Variants in BCAS3 observed in about 807,000 individuals in gnomAD.
BCAS3 encodes BCAS4/BCAS3 fusion.
In BCAS3, 53 loss-of-function variants were observed where a neutral mutation model predicts 116.1. The ratio of observed to expected loss-of-function variants is 0.46; its 90% CI spans 0.37 to 0.57. The LOEUF is 0.57. Among genes scored for constraint, BCAS3 ranks in the 20% least tolerant of loss-of-function variants. The pLI, the probability that BCAS3 is intolerant of heterozygous loss-of-function variation, is 0.00. For synonymous variants in BCAS3, 391 were observed against 408.2 expected (o/e 0.96, Z 0.51); for missense variants, 917 against 1,165.4 (o/e 0.79, Z 3.10).
intron 22 of BCAS3, among the ~76,000 whole-genome samples, chr17:61,283,243 T>G (rs2051396743): frequency 6.6e-6 from 1 of 152,178 alleles, no homozygotes; most frequent in Non-Finnish European, 1.5e-5. Context: ...TCAACTAGTC[T>G]TGGTTTGGAG....
intron 7 of BCAS3, among the ~76,000 whole-genome samples, chr17:60,858,706 AG>A (rs2053894968): frequency 6.6e-6 from 1 of 152,178 alleles, no homozygotes; most frequent in Non-Finnish European, 1.5e-5. Flanking sequence ...CGTCTCCAGC[AG>A]TAATGTGTGA....
chr17:61,290,430 C>A (rs1421396050), intron 22 of BCAS3, among the ~76,000 whole-genome samples: 3 of 152,110 alleles, frequency 2.0e-5, no homozygotes, highest in Non-Finnish European at 4.4e-5. Flanking sequence ...ATTCTCTCTG[C>A]TTATATATGT....
chr17:60,682,433 C>CT (rs2033306299), intron 2 of BCAS3, among the ~76,000 whole-genome samples: 1 of 151,996 alleles, frequency 6.6e-6, no homozygotes, highest in South Asian at 2.1e-4. Flanking sequence ...GGGCATATTG[C>CT]TTTTTTAATA....
chr17:60,859,572 A>ATTT (rs67129602), intron 7 of BCAS3, among the ~76,000 whole-genome samples: 1 of 144,410 alleles, frequency 6.9e-6, no homozygotes, highest in Non-Finnish European at 1.5e-5. Flanking sequence ...TATGTACCAC[A>ATTT]TTTTTTTTTT....
chr17:61,110,937 T>A (rs930587114), intron 22 of BCAS3, among the ~76,000 whole-genome samples: 2 of 152,144 alleles, frequency 1.3e-5, no homozygotes, highest in African/African-American at 4.8e-5. Flanking sequence ...CCCTGACCCC[T>A]CAGCAGCCTA....
rs758020100 is a variant in BCAS3 at position 61,040,850 on chromosome 17, G to A, written c.1987G>A (p.Ala663Thr). The A allele has an allele frequency of 1.2e-5, 20 of 1,613,910 alleles. No homozygotes were observed. Among genetic ancestry groups the A allele is most frequent in the Non-Finnish European group, 1.2e-5 (14 of 1,179,990 alleles). ...TAATGCAAACCACCCTCTGCTCCTCGCTGCAGATGCAGTACAGTATTATCA... is the reference window on the plus strand; with the variant it reads ...TAATGCAAACCACCCTCTGCTCCTCACTGCAGATGCAGTACAGTATTATCA... ...PFNANHPLLLAADAVQYYQFL... is the reference protein window; with the variant it reads ...PFNANHPLLLTADAVQYYQFL... The change falls in exon 19 of 24, where the codon GCT becomes ACT. Residue 663 changes from alanine to threonine, a missense_variant. Ala to Thr is a moderately conservative substitution (Grantham distance 58, BLOSUM62 0). Around this residue, in one of 3 missense-constraint regions of BCAS3, gnomAD observed 807 missense variants for 1,026.0 expected, o/e 0.79. Coordinates refer to ENST00000407086, the MANE Select transcript of BCAS3 (RefSeq NM_017679.5).
chr17:61,298,675 C>T (rs763546026), intron 22 of BCAS3, among the ~76,000 whole-genome samples: 2 of 152,156 alleles, frequency 1.3e-5, no homozygotes, highest in Admixed American at 6.5e-5. Flanking sequence ...CCAAAGGGGA[C>T]GTCCCACACC....
At position 61,026,077 on chromosome 17, in the gene BCAS3, G is replaced by A. The variant is rs1014456824; in HGVS notation, c.1638-8589G>A. ...CATTAAATCACTCAGTTTTCTTTAT[G>A]TGCAGATGTGCATGGCATATCTTAA... On this transcript the variant is annotated intron_variant, in intron 16 of 23. Coordinates refer to ENST00000407086, the MANE Select transcript of BCAS3 (RefSeq NM_017679.5). This position sits in a 1 kb window ranked among gnomAD's most constrained non-coding sequence, Gnocchi z 5.0. Among the ~76,000 whole-genome samples the A allele has an allele frequency of 3.9e-5, 6 of 152,028 alleles. No homozygotes were observed. The highest frequency in any genetic ancestry group is 7.2e-5 in the African/African-American group (3 of 41,422).
intron 22 of BCAS3, chr17:61,086,779 C>T (rs947386428): frequency 1.0e-6 from 1 of 985,328 alleles, no homozygotes; most frequent in Non-Finnish European, 1.2e-6. Flanking sequence ...CCTTCTTTAA[C>T]TTTGAGCTAA....
intron 9 of BCAS3, among the ~76,000 whole-genome samples, chr17:60,878,191 G>A (rs1325460031): frequency 6.6e-6 from 1 of 151,944 alleles, no homozygotes; most frequent in African/African-American, 2.4e-5. Flanking sequence ...TGTATTTTTA[G>A]TAGAGATGGG....
In BCAS3 at chr17:61,325,949, G is replaced by C. The variant is rs745357433; in HGVS notation, c.2426-42378G>C. ...TATATACTGCAGGGAAGCCTCGGCA[G>C]AGAACAGAGTGAAAAATCGTGTTGT... On this transcript the variant is annotated intron_variant, in intron 22 of 23. Transcript: ENST00000407086. The surrounding 1 kb of genome is among the most constrained non-coding windows in gnomAD (Gnocchi z 6.4). Among the ~76,000 whole-genome samples the C allele has an allele frequency of 3.9e-5, 6 of 152,194 alleles. No individual in the cohort carries two copies. Among genetic ancestry groups the C allele is most frequent in the Non-Finnish European group, 4.4e-5 (3 of 68,040 alleles).
chr17:60,706,595 C>T (rs1020867007), intron 4 of BCAS3, among the ~76,000 whole-genome samples: 9 of 152,000 alleles, frequency 5.9e-5, no homozygotes, highest in Non-Finnish European at 1.0e-4. Context: ...AAGGCCGAGG[C>T]GGATGGATCT....
intron 2 of BCAS3, among the ~76,000 whole-genome samples, chr17:60,683,273 C>G (rs1209875994): frequency 6.6e-6 from 1 of 152,110 alleles, no homozygotes; most frequent in East Asian, 1.9e-4. Flanking sequence ...TTTACTTGCT[C>G]TAATTAGGGC....
In BCAS3 at chr17:61,388,679, T is replaced by C; in HGVS notation, c.2594-3298T>C. 1 of 1,548,764 alleles carries C rather than the reference T, an allele frequency of 6.5e-7. No individual in the cohort carries two copies. On this transcript the variant is annotated intron_variant, in intron 23 of 23. Transcript: ENST00000407086. This position sits in a 1 kb window ranked among gnomAD's most constrained non-coding sequence, Gnocchi z 6.5. The stretch of plus-strand genomic sequence containing the variant: ...CCAGCGTCCGTGAGCAACCCAACAG[T>C]AACAAAGCATGCGTTCGGGATGGAG...
At chr17:61,183,277 G>A (rs950662255) in intron 22 of BCAS3, among the ~76,000 whole-genome samples, 3 of 152,100 alleles carry the variant, frequency 2.0e-5, no homozygotes, top group Admixed American at 6.5e-5. Context: ...AAAATTCGAT[G>A]TGAAGAGCTC....
rs889408688 is a variant in BCAS3, at chr17:61,337,036, C to A, written c.2426-31291C>A. 2.6e-5 allele frequency among the ~76,000 whole-genome samples: 4 copies of A among 152,016 alleles called. No individual in the cohort carries two copies. Among genetic ancestry groups the A allele is most frequent in the Admixed American group, 2.0e-4 (3 of 15,272 alleles). On this transcript the variant is annotated intron_variant, in intron 22 of 23. Transcript: ENST00000407086. This position sits in a 1 kb window ranked among gnomAD's most constrained non-coding sequence, Gnocchi z 4.8. ...GCTGAGGCAGGAGAATCACTTGAAC[C>A]TGGGAGGTGGAGGTTGCAGTGAGCC...
rs547465510 is a variant in BCAS3 at position 61,032,840 on chromosome 17, A to G, written c.1638-1826A>G. Among the ~76,000 whole-genome samples the G allele has an allele frequency of 2.2e-4, 34 of 152,172 alleles. No individual in the cohort carries two copies. Among genetic ancestry groups the G allele is most frequent in the Non-Finnish European group, 4.1e-4 (28 of 68,026 alleles). On this transcript the variant is annotated intron_variant, in intron 16 of 23. Transcript: ENST00000407086. This position sits in a 1 kb window ranked among gnomAD's most constrained non-coding sequence, Gnocchi z 4.6. ...TTTAGGCATGGATGTTTTTTGTTGC[A>G]GGAATAATGAGAAGTGTTTTAAGAA... is the stretch of plus-strand genomic sequence containing the variant.
chr17:61,223,149 G>A (rs1255516014), intron 22 of BCAS3, among the ~76,000 whole-genome samples: 3 of 116,496 alleles, frequency 2.6e-5, no homozygotes, highest in Non-Finnish European at 5.1e-5. Context: ...AGGATGCAGC[G>A]CCTTTTTTTT....
intron 3 of BCAS3, among the ~76,000 whole-genome samples, chr17:60,685,849 TAGG>T (rs988343196): frequency 5.3e-5 from 8 of 151,906 alleles, no homozygotes; most frequent in African/African-American, 9.7e-5. Context: ...AAAGCAATAA[TAGG>T]AGTAACTTTT....
Sources: gnomAD v4.1 joint callset for allele counts (sites outside exome capture counted in the v4.1 genomes callset) on GRCh38, gnomAD v4.1.1 for gene constraint, gnomAD v4.1.1 regional missense constraint, Gnocchi (gnomAD v3.1) non-coding constraint, MANE v1.5 for transcripts, NCBI Gene and HGNC (gene_info 2026-07-23, HGNC 2026-07-21) for gene names.